Variants in TMEM272 observed in about 807,000 individuals in gnomAD.
TMEM272 encodes the protein transmembrane protein 272, also known as long intergenic non-protein coding RNA 282.
TMEM272 carries 8 observed loss-of-function variants against 3.7 expected under a neutral mutation model. That is an observed-to-expected ratio of 2.17 (90% CI 1.27 to 3.91). The LOEUF is 3.91. Among genes scored for constraint, TMEM272 ranks in the 30% most tolerant of loss-of-function variants. TMEM272 has a pLI of 0.00. For synonymous variants in TMEM272, 63 were observed against 39.8 expected (o/e 1.58, Z -2.20); for missense variants, 166 against 91.5 (o/e 1.81, Z -3.32).
the TMEM272 span, chr13:51,909,250 G>C: frequency 8.7e-7 from 1 of 1,153,624 alleles, no homozygotes; most frequent in Non-Finnish European, 1.3e-6. Context: ...CAATTATCAT[G>C]TGCTTTTTTC....
chr13:51,909,269 T>C, the TMEM272 span: 1 of 1,054,356 alleles, frequency 9.5e-7, no homozygotes, highest in South Asian at 1.3e-5. Flanking sequence ...TCTCATGGTA[T>C]ATAATCTTCC....
the TMEM272 span, among the ~76,000 whole-genome samples, chr13:51,862,773 G>C: frequency 6.6e-6 from 1 of 152,290 alleles, no homozygotes; most frequent in African/African-American, 2.4e-5. Flanking sequence ...ATGGAAGTGA[G>C]GGAGGACTTC....
At chr13:51,842,919 T>A (rs1956274635) in intron 1 of TMEM272, among the ~76,000 whole-genome samples, 2 of 152,318 alleles carry the variant, frequency 1.3e-5, no homozygotes, top group East Asian at 3.9e-4. Context: ...CACACGTAGA[T>A]CTCTTGGAAT....
chr13:51,876,936 T>C, the TMEM272 span, among the ~76,000 whole-genome samples: 8 of 152,026 alleles, frequency 5.3e-5, no homozygotes, highest in African/African-American at 1.9e-4. Flanking sequence ...GCAGGAAAAA[T>C]CTGGGACCTC....
the TMEM272 span, chr13:51,866,247 G>T: frequency 0.01 from 6,082 of 600,126 alleles, 281 homozygotes; most frequent in African/African-American, 0.099. Flanking sequence ...TTTGAGGAAG[G>T]CTGGCTGCAT....
chr13:51,912,956 G>GC, the TMEM272 span, among the ~76,000 whole-genome samples: 3 of 152,222 alleles, frequency 2.0e-5, no homozygotes, highest in African/African-American at 7.2e-5. Context: ...GATTCTGCCT[G>GC]CCATTCAGGA....
chr13:51,878,216 G>T, the TMEM272 span, among the ~76,000 whole-genome samples: 2 of 152,156 alleles, frequency 1.3e-5, no homozygotes, highest in South Asian at 2.1e-4. Context: ...GGATCATGAG[G>T]TAAGGAGATA....
chr13:51,863,179 T>C, the TMEM272 span, among the ~76,000 whole-genome samples: 4 of 152,222 alleles, frequency 2.6e-5, no homozygotes, highest in Admixed American at 2.0e-4. Context: ...AAGAGCTGAA[T>C]AGAGCCCGTT....
chr13:51,849,520 C>T (rs1458394646), upstream of TMEM272, among the ~76,000 whole-genome samples: 1 of 152,240 alleles, frequency 6.6e-6, no homozygotes, highest in Admixed American at 6.5e-5. Context: ...AGCAAACAAA[C>T]TCCTGGATCT....
the TMEM272 span, among the ~76,000 whole-genome samples, chr13:51,857,983 A>C: frequency 6.6e-6 from 1 of 152,222 alleles, no homozygotes; most frequent in Non-Finnish European, 1.5e-5. Context: ...AGTAGAACTT[A>C]AGGCAAGAAG....
chr13:51,883,647 T>C, the TMEM272 span, among the ~76,000 whole-genome samples: 1 of 152,238 alleles, frequency 6.6e-6, no homozygotes, highest in Non-Finnish European at 1.5e-5. Flanking sequence ...AGACAGGGAC[T>C]CTAGTTGTGG....
the TMEM272 span, chr13:51,921,179 T>C: frequency 1.3e-5 from 2 of 152,284 alleles, no homozygotes; most frequent in Non-Finnish European, 2.9e-5. Flanking sequence ...GCAGTGACCA[T>C]GAGCAGTAAG....
chr13:51,853,640 T>A, the TMEM272 span, among the ~76,000 whole-genome samples: 2 of 151,998 alleles, frequency 1.3e-5, no homozygotes, highest in African/African-American at 2.4e-5. Context: ...CCATAATATA[T>A]CCCTAATGGA....
chr13:51,844,370 C>G (rs1006441949), intron 1 of TMEM272, among the ~76,000 whole-genome samples: 15 of 151,168 alleles, frequency 9.9e-5, no homozygotes, highest in Admixed American at 3.3e-4. Flanking sequence ...CATTAACCAT[C>G]CCCATACCTG....
At chr13:51,858,077 T>C in the TMEM272 span, among the ~76,000 whole-genome samples, 2 of 152,168 alleles carry the variant, frequency 1.3e-5, no homozygotes, top group African/African-American at 4.8e-5. Flanking sequence ...AAAATATGCA[T>C]GTATCTAATA....
chr13:51,927,870 C>T, the TMEM272 span, among the ~76,000 whole-genome samples: 9 of 152,114 alleles, frequency 5.9e-5, no homozygotes. Context: ...GTACATAATT[C>T]CCCTTAACCT....
At chr13:51,915,454 A>T in the TMEM272 span, among the ~76,000 whole-genome samples, 1 of 152,260 alleles carries the variant, frequency 6.6e-6, no homozygotes, top group African/African-American at 2.4e-5. Context: ...CTGACAAGAG[A>T]GACCTTTGTT....
chr13:51,889,897 C>A, the TMEM272 span, among the ~76,000 whole-genome samples: 3 of 152,074 alleles, frequency 2.0e-5, no homozygotes, highest in African/African-American at 7.2e-5. Flanking sequence ...CACCTCGGCC[C>A]CCCAAAGTGC....
chr13:51,854,531 C>T, the TMEM272 span, among the ~76,000 whole-genome samples: 58 of 152,172 alleles, frequency 3.8e-4, no homozygotes, highest in African/African-American at 1.4e-3. Flanking sequence ...TCATTGTGAC[C>T]CAGGCTATTT....
Sources: gnomAD v4.1 joint callset for allele counts (sites outside exome capture counted in the v4.1 genomes callset) on GRCh38, gnomAD v4.1.1 for gene constraint, MANE v1.5 for transcripts, NCBI Gene and HGNC (gene_info 2026-07-23, HGNC 2026-07-21) for gene names.